TRAPPC9: variants seen among roughly 807,000 people sequenced by gnomAD.
TRAPPC9 encodes the protein IKK2 binding protein.
Under a neutral mutation model 124.0 loss-of-function variants are expected in TRAPPC9, and 83 were observed. The observed-to-expected ratio is 0.67, with a 90% CI of 0.56 to 0.80. The LOEUF is 0.80. TRAPPC9 is among the 30% of genes least tolerant of loss of function. The pLI, the probability that TRAPPC9 is intolerant of heterozygous loss-of-function variation, is 0.00. For synonymous variants in TRAPPC9, 638 were observed against 617.5 expected (o/e 1.03, Z -0.49); for missense variants, 1,302 against 1,508.3 (o/e 0.86, Z 2.27).
chr8:140,316,498 T>A (rs4585731), intron 9 of TRAPPC9, among the ~76,000 whole-genome samples: 98,749 of 151,516 alleles, frequency 0.65, 32,566 homozygotes, highest in African/African-American at 0.78. Flanking sequence ...CTTTTTCTGC[T>A]TCTATAGAAA....
At chr8:139,997,012 G>C (rs1293433007) in intron 18 of TRAPPC9, among the ~76,000 whole-genome samples, 3 of 152,186 alleles carry the variant, frequency 2.0e-5, no homozygotes, top group African/African-American at 7.2e-5. Context: ...CTCCCAAAGT[G>C]CTGGGATTAC....
At chr8:140,039,136 T>C (rs947642518) in intron 17 of TRAPPC9, among the ~76,000 whole-genome samples, 7 of 152,260 alleles carry the variant, frequency 4.6e-5, no homozygotes, top group African/African-American at 1.4e-4. Context: ...GCAGTGCTAA[T>C]AGCATTCTAG....
intron 17 of TRAPPC9, among the ~76,000 whole-genome samples, chr8:140,217,202 AG>A (rs1233679801): frequency 6.6e-6 from 1 of 152,212 alleles, no homozygotes; most frequent in Non-Finnish European, 1.5e-5. Context: ...CAGCGCTGCT[AG>A]GGGCTTAAGG....
In TRAPPC9 at chr8:140,263,311, A is replaced by G. The variant is rs117195657; in HGVS notation, c.2279-10382T>C. Among the ~76,000 whole-genome samples the G allele has an allele frequency of 7.3e-3, 1,112 of 152,170 alleles. 28 individuals are homozygous for G. In the East Asian group the frequency reaches 0.098, roughly 13 times the overall value. ...CCATTGAGCCTCCCATTACTCTCAG[A>G]GCTCCGGGAGGACAGGGATGACTGT... On this transcript the variant is annotated intron_variant, in intron 15 of 22. Coordinates refer to ENST00000438773, the MANE Select transcript of TRAPPC9 (RefSeq NM_001160372.4).
intron 16 of TRAPPC9, among the ~76,000 whole-genome samples, chr8:140,237,097 C>CT (rs1335385826): frequency 1.3e-5 from 2 of 152,118 alleles, no homozygotes; most frequent in African/African-American, 2.4e-5. Flanking sequence ...AGGAGAATCA[C>CT]TTGAGCCTGG....
chr8:140,089,273 C>T lies in TRAPPC9; in HGVS notation c.2557-65194G>A, dbSNP rs866040840. 3.3e-5 allele frequency among the ~76,000 whole-genome samples: 5 copies of T among 152,258 alleles called. No homozygotes were observed. In the South Asian group the frequency reaches 6.2e-4, roughly 19 times the overall value. On this transcript the variant is annotated intron_variant, in intron 17 of 22. Transcript: ENST00000438773. ...AGGCAGCACCTCATCCTCTTCTATC[C>T]GCACGAATGTCTCTATCTTTCAGAG...
chr8:140,298,159 C>T (rs543269760), intron 11 of TRAPPC9, among the ~76,000 whole-genome samples: 3 of 152,184 alleles, frequency 2.0e-5, no homozygotes, highest in Non-Finnish European at 4.4e-5. Flanking sequence ...GAAATGATTA[C>T]CATTTTTAAA....
intron 21 of TRAPPC9, among the ~76,000 whole-genome samples, chr8:139,869,687 T>G (rs765555782): frequency 3.3e-5 from 5 of 152,180 alleles, no homozygotes; most frequent in Non-Finnish European, 7.3e-5. Context: ...CAAAGAAAAC[T>G]TGGTAAATTG....
chr8:140,300,381 T>A (rs761518609), intron 11 of TRAPPC9, 88 bp downstream of exon 11: 31 of 1,566,570 alleles, frequency 2.0e-5, no homozygotes, highest in Non-Finnish European at 2.6e-5. Flanking sequence ...ATGCATGAAC[T>A]GGCTCAAAAT....
intron 20 of TRAPPC9, among the ~76,000 whole-genome samples, chr8:139,905,700 C>T (rs1831311990): frequency 6.6e-6 from 1 of 151,584 alleles, no homozygotes; most frequent in Non-Finnish European, 1.5e-5. Context: ...GGAAAGCTTG[C>T]TGTACAGTAG....
chr8:140,150,675 A>T (rs1391126899), intron 17 of TRAPPC9, among the ~76,000 whole-genome samples: 2 of 152,150 alleles, frequency 1.3e-5, no homozygotes, highest in African/African-American at 4.8e-5. Context: ...CACATGGGTG[A>T]CAACCAGACC....
At chr8:139,879,570 C>T (rs1829553101) in intron 21 of TRAPPC9, among the ~76,000 whole-genome samples, 2 of 152,202 alleles carry the variant, frequency 1.3e-5, no homozygotes, top group Non-Finnish European at 2.9e-5. Context: ...CCCTTCCCTT[C>T]AGAGCCATCT....
At chr8:139,868,976 A>G (rs1453203247) in intron 21 of TRAPPC9, among the ~76,000 whole-genome samples, 1 of 152,232 alleles carries the variant, frequency 6.6e-6, no homozygotes, top group East Asian at 1.9e-4. Flanking sequence ...AGGAAAGTTT[A>G]AAAAGAAAGA....
intron 17 of TRAPPC9, among the ~76,000 whole-genome samples, chr8:140,057,195 A>G (rs1489162811): frequency 6.6e-6 from 1 of 152,228 alleles, no homozygotes; most frequent in Non-Finnish European, 1.5e-5. Flanking sequence ...GACAAGTATT[A>G]GTGAGGATGT....
intron 17 of TRAPPC9, among the ~76,000 whole-genome samples, chr8:140,101,444 A>C (rs1472065320): frequency 3.3e-5 from 5 of 150,942 alleles, no homozygotes; most frequent in African/African-American, 1.2e-4. Flanking sequence ...TAAAATAAGC[A>C]TTTTAAAATA....
chr8:140,452,078 G>A (rs1195808429), intron 1 of TRAPPC9, among the ~76,000 whole-genome samples: 56 of 149,364 alleles, frequency 3.7e-4, no homozygotes, highest in Non-Finnish European at 4.0e-4. Context: ...CCAAGATTGC[G>A]CCACTGCACT....
intron 18 of TRAPPC9, among the ~76,000 whole-genome samples, chr8:139,993,293 T>C (rs1010711120): frequency 1.3e-5 from 2 of 152,146 alleles, no homozygotes; most frequent in Non-Finnish European, 2.9e-5. Flanking sequence ...GGAAACCCAA[T>C]GACCAATAAA....
At chr8:139,786,194 C>T (rs1004981659) in intron 21 of TRAPPC9, among the ~76,000 whole-genome samples, 7 of 152,054 alleles carry the variant, frequency 4.6e-5, no homozygotes, top group African/African-American at 9.7e-5. Flanking sequence ...GGTGACAGAG[C>T]GAGACTCTGT....
At chr8:140,146,904 C>T (rs932604557) in intron 17 of TRAPPC9, among the ~76,000 whole-genome samples, 1 of 148,930 alleles carries the variant, frequency 6.7e-6, no homozygotes, top group African/African-American at 2.5e-5. Context: ...CACTTATTTT[C>T]CAATATGATT....
Sources: allele counts gnomAD v4.1 joint callset (sites outside exome capture counted in the v4.1 genomes callset), GRCh38; gene constraint gnomAD v4.1.1; transcripts MANE v1.5; gene names NCBI Gene and HGNC (gene_info 2026-07-23, HGNC 2026-07-21).